Variants in EFCAB6 observed in about 807,000 individuals in gnomAD.
EFCAB6 encodes the protein EF-hand calcium-binding domain-containing protein 6.
In EFCAB6, 156 loss-of-function variants were observed where a neutral mutation model predicts 169.8. The ratio of observed to expected loss-of-function variants is 0.92; its 90% CI spans 0.81 to 1.05. The LOEUF is 1.05. Ranked by LOEUF, EFCAB6 falls within the 50% of genes least tolerant of loss-of-function variation. EFCAB6 has a pLI of 0.00. For missense variants in EFCAB6, 1,800 were observed against 1,829.1 expected (o/e 0.98, Z 0.29); for synonymous variants, 698 against 676.4 (o/e 1.03, Z -0.50).
At chr22:43,576,979 G>A (rs2050298444) in intron 25 of EFCAB6, among the ~76,000 whole-genome samples, 1 of 152,190 alleles carries the variant, frequency 6.6e-6, no homozygotes, top group Admixed American at 6.5e-5. Context: ...TTTGGGAGCA[G>A]CTGGGAGGAG....
chr22:43,711,570 A>G lies in EFCAB6; in HGVS notation c.936T>C (p.Cys312=), dbSNP rs755019405. 3.7e-6 allele frequency: 6 copies of G among 1,604,580 alleles called. No individual in the cohort carries two copies. In the Admixed American group the frequency reaches 7.0e-5, roughly 19 times the overall value. The change falls in exon 10 of 32, where the codon TGT becomes TGC. Residue 312 remains cysteine (C), a synonymous_variant. Transcript: ENST00000262726. The part of the protein sequence containing the change: ...VEKALSAGDP[C]KGGYVSFNYL... ...AATTAAAAGACACGTAGCCACCTTTACAGGGGTCCCCTGCACTGAGGGCCT... is the reference window on the plus strand; with the variant it reads ...AATTAAAAGACACGTAGCCACCTTTGCAGGGGTCCCCTGCACTGAGGGCCT...
chr22:43,807,399 AC>A (rs987494398), intron 2 of EFCAB6, among the ~76,000 whole-genome samples: 1 of 152,088 alleles, frequency 6.6e-6, no homozygotes, highest in Non-Finnish European at 1.5e-5. Context: ...AAAAACTAAT[AC>A]CCCCAAAATA....
chr22:43,745,263 C>T (rs962778069), intron 6 of EFCAB6, among the ~76,000 whole-genome samples: 2 of 152,186 alleles, frequency 1.3e-5, no homozygotes, highest in Non-Finnish European at 2.9e-5. Flanking sequence ...TGAGAAAAGG[C>T]TGAATGTTTC....
chr22:43,624,346 G>A (rs960427953), intron 20 of EFCAB6, among the ~76,000 whole-genome samples: 4 of 152,088 alleles, frequency 2.6e-5, no homozygotes, highest in African/African-American at 9.7e-5. Context: ...TCTTTCTAAA[G>A]CACAGTGTAA....
In EFCAB6 at chr22:43,537,568, G is replaced by C. The variant is rs2047455786; in HGVS notation, c.3880-23C>G. ...AGTCTAGCAGGGAAGAAAAGAAAAG[G>C]CTCTTTTCACTTAAGATTTAAAACG... On this transcript the variant is annotated intron_variant, in intron 28 of 31. Transcript: ENST00000262726. This position sits in a 1 kb window ranked among gnomAD's most constrained non-coding sequence, Gnocchi z 4.3. 2.5e-6 allele frequency: 4 copies of C among 1,582,828 alleles called. No homozygotes were observed. Among genetic ancestry groups the C allele is most frequent in the Non-Finnish European group, 3.4e-6 (4 of 1,161,388 alleles).
At chr22:43,801,360 A>G (rs1360322217) in intron 2 of EFCAB6, among the ~76,000 whole-genome samples, 1 of 152,200 alleles carries the variant, frequency 6.6e-6, no homozygotes, top group Non-Finnish European at 1.5e-5. Context: ...GAAAGAAAAC[A>G]CTAACATTCA....
At chr22:43,656,185 G>A (rs1339338978) in intron 17 of EFCAB6, among the ~76,000 whole-genome samples, 1 of 152,098 alleles carries the variant, frequency 6.6e-6, no homozygotes, top group African/African-American at 2.4e-5. Context: ...GAGGTCAGGA[G>A]TTTGATACCA....
intron 26 of EFCAB6, among the ~76,000 whole-genome samples, chr22:43,575,751 A>G (rs867176667): frequency 1.3e-5 from 2 of 152,096 alleles, no homozygotes; most frequent in South Asian, 4.1e-4. Flanking sequence ...AACCAGCCCC[A>G]TTACTCACTA....
At chr22:43,716,518 A>C (rs1168852298) in intron 9 of EFCAB6, among the ~76,000 whole-genome samples, 3 of 152,214 alleles carry the variant, frequency 2.0e-5, no homozygotes, top group Non-Finnish European at 4.4e-5. Flanking sequence ...TAAATCTTCC[A>C]ATCCAAGAAT....
chr22:43,626,687 C>A lies in EFCAB6; in HGVS notation c.2233-8G>T. 2 of 1,613,958 alleles carry A rather than the reference C, an allele frequency of 1.2e-6. No homozygotes were observed. The highest frequency in any genetic ancestry group is 1.7e-5 in the Admixed American group (1 of 60,018). On this transcript the variant is annotated splice_region_variant and splice_polypyrimidine_tract_variant and intron_variant, in intron 19 of 31. Transcript: ENST00000262726. ...GAAGGCAGAGTAGGGGTCCTAAAAA[C>A]AAAACACACACGTCAAAGCCCTTCC...
intron 6 of EFCAB6, among the ~76,000 whole-genome samples, chr22:43,755,366 T>A (rs1485890201): frequency 1.3e-5 from 2 of 152,216 alleles, no homozygotes; most frequent in Non-Finnish European, 2.9e-5. Context: ...ATATATCACT[T>A]TGAGTTTGAC....
chr22:43,790,017 G>A (rs903280158), intron 2 of EFCAB6, among the ~76,000 whole-genome samples: 55 of 152,304 alleles, frequency 3.6e-4, no homozygotes, highest in Middle Eastern at 3.4e-3. Flanking sequence ...TCCTCAATTT[G>A]AAGAATCACA....
rs16991033 is a variant in EFCAB6 at position 43,802,897 on chromosome 22, T to C, written c.-8+6098A>G. 3.7e-3 allele frequency: 975 copies of C among 264,268 alleles called. 9 individuals are homozygous for C. Among genetic ancestry groups the C allele is most frequent in the African/African-American group, 0.02 (886 of 43,994 alleles). The allele number at this position is 264,268 out of a possible 1,614,324, so 16.4% of individuals were successfully genotyped here. ...TGTTAGCACACAGAACACTTCATTGTTGTCTTTTGGGGAAGGAGCCTATGT... is the reference window on the plus strand; with the variant it reads ...TGTTAGCACACAGAACACTTCATTGCTGTCTTTTGGGGAAGGAGCCTATGT... On this transcript the variant is annotated intron_variant, in intron 2 of 31. Coordinates refer to ENST00000262726, the MANE Select transcript of EFCAB6 (RefSeq NM_022785.4).
intron 24 of EFCAB6, among the ~76,000 whole-genome samples, chr22:43,587,236 G>A (rs2051137004): frequency 6.6e-6 from 1 of 152,192 alleles, no homozygotes; most frequent in African/African-American, 2.4e-5. Context: ...ATTCTCCGGA[G>A]ATGTTGTTTC....
At position 43,687,553 on chromosome 22, in the gene EFCAB6, T is replaced by C; in HGVS notation, c.1060A>G (p.Asn354Asp). Reference sequence around the variant, plus strand: ...AATGATGTTAGAAATTGCTTCCAATTGATTTTAGTGGTGGCTTTAAGTCCA... The same window carrying C: ...AATGATGTTAGAAATTGCTTCCAATCGATTTTAGTGGTGGCTTTAAGTCCA... ...RFGLKATTKI[N>D]WKQFLTSFHE... The change falls in exon 11 of 32, where the codon AAT (asparagine) becomes GAT (aspartate). Residue 354 changes from asparagine (N) to aspartate (D), a missense_variant. By Grantham distance (23) the Asn-to-Asp change is conservative. Coordinates refer to ENST00000262726, the MANE Select transcript of EFCAB6 (RefSeq NM_022785.4). 11 of 1,605,952 alleles carry C rather than the reference T, an allele frequency of 6.8e-6. No individual in the cohort carries two copies. Among genetic ancestry groups the C allele is most frequent in the Non-Finnish European group, 8.5e-6 (10 of 1,177,134 alleles).
At chr22:43,538,402 T>C (rs1286595666) in intron 28 of EFCAB6, among the ~76,000 whole-genome samples, 5 of 152,168 alleles carry the variant, frequency 3.3e-5, no homozygotes, top group Non-Finnish European at 5.9e-5. Context: ...TTTTTTTTTT[T>C]GTTTTGAAAT....
At chr22:43,559,720 G>T (rs545625196) in intron 26 of EFCAB6, among the ~76,000 whole-genome samples, 1 of 152,210 alleles carries the variant, frequency 6.6e-6, no homozygotes, top group Non-Finnish European at 1.5e-5. Flanking sequence ...CAGGGATATG[G>T]ATAAAGCTGG....
intron 18 of EFCAB6, among the ~76,000 whole-genome samples, chr22:43,634,901 A>G (rs560722007): frequency 1.6e-4 from 25 of 152,334 alleles, no homozygotes; most frequent in African/African-American, 6.0e-4. Flanking sequence ...AGACTCTTTC[A>G]GGCAAAGTTC....
chr22:43,596,220 A>ATTCTATT (rs2051994672), intron 23 of EFCAB6, among the ~76,000 whole-genome samples: 1 of 152,182 alleles, frequency 6.6e-6, no homozygotes, highest in Non-Finnish European at 1.5e-5. Context: ...ACTTCTATTC[A>ATTCTATT]ACACAGTACT....
Sources: gnomAD v4.1 joint callset for allele counts (sites outside exome capture counted in the v4.1 genomes callset) on GRCh38, gnomAD v4.1.1 for gene constraint, Gnocchi (gnomAD v3.1) non-coding constraint, MANE v1.5 for transcripts, NCBI Gene and HGNC (gene_info 2026-07-23, HGNC 2026-07-21) for gene names.